Variants in SCN2A observed in about 807,000 individuals in gnomAD.
SCN2A encodes sodium channel protein type 2 subunit alpha.
A neutral mutation model predicts 188.7 loss-of-function variants in SCN2A; 20 were observed. The ratio of observed to expected loss-of-function variants is 0.11; its 90% CI spans 0.07 to 0.15. The LOEUF is 0.15. Among genes scored for constraint, SCN2A ranks in the 10% least tolerant of loss-of-function variants. SCN2A has a pLI of 1.00. For synonymous variants in SCN2A, 804 were observed against 833.1 expected (o/e 0.97, Z 0.60); for missense variants, 1,278 against 2,445.0 (o/e 0.52, Z 10.07).
intron 1 of SCN2A, among the ~76,000 whole-genome samples, chr2:165,258,244 CTG>C (rs1694417915): frequency 6.6e-6 from 1 of 152,124 alleles, no homozygotes; most frequent in Admixed American, 6.6e-5. Flanking sequence ...TTGCCAGATC[CTG>C]TGTCTGGAAT....
At position 165,291,562 on chromosome 2, in the gene SCN2A, TTCC is replaced by T. The variant is rs1475253143; in HGVS notation, c.-51-4209_-51-4207del. ...CTTCCTTCCTTCCTTCCTTCCTTCC[TTCC>T]TTCCTTCCTTTCTCTCTCTCTCTCT... is the stretch of plus-strand genomic sequence containing the variant. On this transcript the variant is annotated intron_variant, in intron 1 of 26. Coordinates refer to ENST00000375437, the MANE Select transcript of SCN2A (RefSeq NM_001040142.2). Among the ~76,000 whole-genome samples the T allele has an allele frequency of 9.8e-4, 121 of 123,332 alleles. 2 individuals carry two copies. The highest frequency in any genetic ancestry group is 2.9e-3 in the East Asian group (10 of 3,470). 80.9% of individuals were successfully genotyped at this position (123,332 alleles called of 152,430 possible).
chr2:165,389,705 C>T lies in SCN2A; in HGVS notation c.5899C>T (p.Pro1967Ser), dbSNP rs765433594. The T allele has an allele frequency of 6.2e-7, 1 of 1,613,880 alleles. No individual in the cohort carries two copies. The highest frequency in any genetic ancestry group is 2.2e-5 in the East Asian group (1 of 44,870). The change falls in exon 27 of 27, where the codon CCT becomes TCT. Residue 1967 changes from proline (P) to serine (S), a missense_variant. Pro to Ser is a moderately conservative substitution (Grantham distance 74, BLOSUM62 -1). This residue lies in a region of SCN2A where 109 missense variants were observed against 137.9 expected (regional missense o/e 0.79). Coordinates refer to ENST00000375437, the MANE Select transcript of SCN2A (RefSeq NM_001040142.2). The surrounding 1 kb of genome is among the most constrained non-coding windows in gnomAD (Gnocchi z 4.2). Reference protein sequence around the residue: ...NSTPEKTDMTPSTTSPPSYDS... With the variant: ...NSTPEKTDMTSSTTSPPSYDS... ...AACTCCAGAGAAAACCGATATGACG[C>T]CTTCCACCACGTCTCCACCCTCGTA...
In SCN2A at chr2:165,389,925, T is replaced by C; in HGVS notation, c.*101T>C. ...CTCCCACAGGAGGTCTATGCCAAAC[T>C]GACTGTTTTTACAAATGTATACTTA... On this transcript the variant is annotated 3_prime_UTR_variant, in exon 27 of 27. Coordinates refer to ENST00000375437, the MANE Select transcript of SCN2A (RefSeq NM_001040142.2). This position sits in a 1 kb window ranked among gnomAD's most constrained non-coding sequence, Gnocchi z 4.2. The C allele has an allele frequency of 6.6e-7, 1 of 1,515,156 alleles. No individual in the cohort carries two copies. The highest frequency in any genetic ancestry group is 8.8e-7 in the Non-Finnish European group (1 of 1,140,000). 93.9% of individuals were successfully genotyped at this position (1,515,156 alleles called of 1,614,324 possible). A position where few individuals can be genotyped will look rare whatever the true frequency, so the allele number is the denominator to read the frequency against.
At chr2:165,294,983 A>G (rs1175979515) in intron 1 of SCN2A, among the ~76,000 whole-genome samples, 1 of 152,204 alleles carries the variant, frequency 6.6e-6, no homozygotes, top group Non-Finnish European at 1.5e-5. Context: ...CTATCTCTAC[A>G]GTATTTCCTA....
At chr2:165,359,496 G>A (rs979736794) in intron 17 of SCN2A, among the ~76,000 whole-genome samples, 5 of 151,988 alleles carry the variant, frequency 3.3e-5, no homozygotes, top group South Asian at 2.1e-4. Flanking sequence ...GAACTGGTTC[G>A]TTTATTTTCA....
At chr2:165,258,234 T>A (rs895477540) in intron 1 of SCN2A, among the ~76,000 whole-genome samples, 1 of 152,212 alleles carries the variant, frequency 6.6e-6, no homozygotes, top group African/African-American at 2.4e-5. Context: ...CATGAAACTT[T>A]TGCCAGATCC....
At chr2:165,386,669 C>A in intron 25 of SCN2A, 77 bp from the exon 26 acceptor site, 1 of 1,417,066 alleles carries the variant, frequency 7.1e-7, no homozygotes, top group Non-Finnish European at 9.7e-7. Context: ...TTTTTTGTTG[C>A]TTTCTTAAAA....
chr2:165,254,711 G>T (rs574563252), intron 1 of SCN2A, among the ~76,000 whole-genome samples: 9 of 151,752 alleles, frequency 5.9e-5, no homozygotes, highest in African/African-American at 1.9e-4. Flanking sequence ...AAAATTCAAA[G>T]ATTTTAACAT....
At chr2:165,275,758 A>G (rs1230217554) in intron 1 of SCN2A, among the ~76,000 whole-genome samples, 1 of 151,888 alleles carries the variant, frequency 6.6e-6, no homozygotes, top group African/African-American at 2.4e-5. Context: ...TTTCCAAGAC[A>G]GAGTCTTGCT....
intron 11 of SCN2A, 86 bp from the exon 12 acceptor site, chr2:165,323,070 G>C: frequency 7.9e-7 from 1 of 1,263,816 alleles, no homozygotes; most frequent in East Asian, 2.4e-5. Flanking sequence ...CAATGACTAT[G>C]ACACAATGAA....
intron 1 of SCN2A, among the ~76,000 whole-genome samples, chr2:165,287,514 GT>G (rs34233499): frequency 0.011 from 1,638 of 146,024 alleles, 14 homozygotes; most frequent in African/African-American, 0.024. Context: ...AGGTTCAGGT[GT>G]TTTTTTTTTT....
intron 1 of SCN2A, among the ~76,000 whole-genome samples, chr2:165,261,788 A>G (rs879388531): frequency 6.6e-6 from 1 of 152,230 alleles, no homozygotes; most frequent in Admixed American, 6.5e-5. Flanking sequence ...TGGTTAAAAA[A>G]AAGGAAAAGA....
At chr2:165,315,420 A>G in intron 10 of SCN2A, 51 bp from the exon 11 acceptor site, 4 of 1,610,532 alleles carry the variant, frequency 2.5e-6, no homozygotes, top group Non-Finnish European at 3.4e-6. Flanking sequence ...GTAACATGAT[A>G]ATTACTTTTT....
At chr2:165,295,722 T>A in intron 1 of SCN2A, 51 bp from the exon 2 acceptor site, 7 of 1,554,254 alleles carry the variant, frequency 4.5e-6, no homozygotes, top group Non-Finnish European at 6.2e-6. Flanking sequence ...ACTGACACAA[T>A]CACCTTTTAT....
In SCN2A at chr2:165,354,449, A is replaced by T; in HGVS notation, c.3177A>T (p.Ile1059=). 5 of 1,614,160 alleles carry T rather than the reference A, an allele frequency of 3.1e-6. No homozygotes were observed. The highest frequency in any genetic ancestry group is 1.3e-5 in the African/African-American group (1 of 75,068). ...KDSCISNHTT[I]EIGKDLNYLK... ...GCTGTATTTCCAACCATACCACCAT[A>T]GAAATAGGCAAAGACCTCAATTATC... is the stretch of plus-strand genomic sequence containing the variant. The change falls in exon 17 of 27, where the codon ATA becomes ATT. Residue 1059 remains isoleucine (I), a synonymous_variant. Transcript: ENST00000375437.
At chr2:165,332,228 CCCAGCTTGATAA>C (rs1226505666) in intron 14 of SCN2A, among the ~76,000 whole-genome samples, 1 of 151,726 alleles carries the variant, frequency 6.6e-6, no homozygotes, top group Non-Finnish European at 1.5e-5. Flanking sequence ...TTATTAAGTT[CCCAGCTTGATAA>C]ATGAACATAT....
intron 1 of SCN2A, among the ~76,000 whole-genome samples, chr2:165,274,847 C>T (rs1265736550): frequency 3.3e-5 from 5 of 152,296 alleles, no homozygotes; most frequent in South Asian, 4.1e-4. Context: ...CCGGGCAGCC[C>T]GGGCTTGGCT....
chr2:165,327,903 C>G (rs1263865166), intron 13 of SCN2A: 1 of 152,148 alleles, frequency 6.6e-6, no homozygotes, highest in African/African-American at 2.4e-5. Context: ...ATTCTATCCC[C>G]CTTCCTTGCC....
At chr2:165,358,847 T>G (rs1327371788) in intron 17 of SCN2A, among the ~76,000 whole-genome samples, 1 of 152,072 alleles carries the variant, frequency 6.6e-6, no homozygotes, top group East Asian at 1.9e-4. Context: ...CCCTATCATG[T>G]GACAATAGCA....
Sources: gnomAD v4.1 joint callset for allele counts (sites outside exome capture counted in the v4.1 genomes callset) on GRCh38, gnomAD v4.1.1 for gene constraint, gnomAD v4.1.1 regional missense constraint, Gnocchi (gnomAD v3.1) non-coding constraint, MANE v1.5 for transcripts, NCBI Gene and HGNC (gene_info 2026-07-23, HGNC 2026-07-21) for gene names.